DOCK9: variants seen among roughly 807,000 people sequenced by gnomAD.
The protein encoded by DOCK9 is dedicator of cytokinesis protein 9.
Under a neutral mutation model 263.3 loss-of-function variants are expected in DOCK9, and 89 were observed. That is an observed-to-expected ratio of 0.34 (90% CI 0.28 to 0.40). The LOEUF is 0.40. Among genes scored for constraint, DOCK9 ranks in the 10% least tolerant of loss-of-function variants. The pLI is 1.00. For missense variants in DOCK9, 2,140 were observed against 2,603.4 expected (o/e 0.82, Z 3.87); for synonymous variants, 976 against 973.1 (o/e 1.00, Z -0.06).
intron 1 of DOCK9, chr13:99,086,168 G>A: frequency 1.4e-6 from 2 of 1,430,910 alleles, no homozygotes; most frequent in South Asian, 1.4e-5. Context: ...CCCGGGGCCC[G>A]CAGCTGCCTG....
chr13:98,817,326 C>T (rs147378168), intron 45 of DOCK9, among the ~76,000 whole-genome samples: 5,195 of 152,162 alleles, frequency 0.034, 128 homozygotes, highest in Middle Eastern at 0.088. Flanking sequence ...AGTTACCTGA[C>T]GCCTCCTAGC....
rs979496156 is a variant in DOCK9, at chr13:98,878,957, T to C, written c.2943+941A>G. Among the ~76,000 whole-genome samples, 31 of 152,106 alleles carry C rather than the reference T, an allele frequency of 2.0e-4. 1 individual carries two copies. Among genetic ancestry groups the C allele is most frequent in the Non-Finnish European group, 1.5e-5 (1 of 68,020 alleles). ...AGGATTGCAGCACAAGTGTTCATTG[T>C]GAGACAGGACCCAGCACCACCCGCT... On this transcript the variant is annotated intron_variant, in intron 27 of 52. Transcript: ENST00000682017.
intron 30 of DOCK9, among the ~76,000 whole-genome samples, chr13:98,866,291 T>C (rs558107722): frequency 2.0e-5 from 3 of 152,338 alleles, no homozygotes; most frequent in South Asian, 2.1e-4. Context: ...ACACAACTTA[T>C]TCTGAAGCTC....
chr13:98,832,988 T>C (rs1336545597), intron 39 of DOCK9: 2 of 151,004 alleles, frequency 1.3e-5, no homozygotes, highest in Non-Finnish European at 3.0e-5. Flanking sequence ...TAAGTTTTTG[T>C]TTTTTTTTAG....
At chr13:98,871,576 T>C (rs1389032976) in intron 27 of DOCK9, among the ~76,000 whole-genome samples, 1 of 152,226 alleles carries the variant, frequency 6.6e-6, no homozygotes, top group Non-Finnish European at 1.5e-5. Flanking sequence ...TAGAATGTTT[T>C]TATGGAGATT....
At chr13:99,082,052 T>TA (rs890979320) in intron 1 of DOCK9, among the ~76,000 whole-genome samples, 10 of 150,616 alleles carry the variant, frequency 6.6e-5, no homozygotes, top group African/African-American at 1.7e-4. Flanking sequence ...ACCCCATCTC[T>TA]AAAAAAAAAT....
chr13:98,963,825 A>T (rs2058922133), intron 1 of DOCK9, among the ~76,000 whole-genome samples: 1 of 152,230 alleles, frequency 6.6e-6, no homozygotes, highest in Non-Finnish European at 1.5e-5. Flanking sequence ...GCTTGCAACA[A>T]AAAGGGGCTT....
chr13:99,031,114 TG>T (rs1388539000), intron 1 of DOCK9, among the ~76,000 whole-genome samples: 6 of 113,872 alleles, frequency 5.3e-5, no homozygotes, highest in South Asian at 7.1e-4. Flanking sequence ...CTGTAATTGA[TG>T]TTTTTTTTAA....
chr13:99,078,042 T>C (rs985888156), intron 1 of DOCK9, among the ~76,000 whole-genome samples: 1 of 152,040 alleles, frequency 6.6e-6, no homozygotes, highest in Non-Finnish European at 1.5e-5. Flanking sequence ...GGTGATGAAA[T>C]GACACTCCCC....
At chr13:98,860,597 G>T in intron 32 of DOCK9, 75 bp from the exon 33 acceptor site, 1 of 1,402,042 alleles carries the variant, frequency 7.1e-7, no homozygotes, top group South Asian at 1.4e-5. Flanking sequence ...GAAGTGCCAG[G>T]GCAAGTGCAG....
chr13:98,895,931 T>C (rs2047360609), intron 15 of DOCK9, among the ~76,000 whole-genome samples: 2 of 152,156 alleles, frequency 1.3e-5, no homozygotes, highest in African/African-American at 4.8e-5. Flanking sequence ...AACTGTCAGA[T>C]AGTGACTGGG....
chr13:98,887,472 G>C (rs987374716), intron 18 of DOCK9, among the ~76,000 whole-genome samples: 1 of 150,860 alleles, frequency 6.6e-6, no homozygotes, highest in Non-Finnish European at 1.5e-5. Flanking sequence ...AAAAATTAGC[G>C]GGGTGTGGTG....
intron 2 of DOCK9, among the ~76,000 whole-genome samples, chr13:98,933,682 T>G (rs1271843096): frequency 2.6e-5 from 4 of 152,256 alleles, no homozygotes; most frequent in Non-Finnish European, 5.9e-5. Context: ...CGTGCATGTC[T>G]TGAACTACAC....
chr13:98,994,621 T>C (rs577579630), intron 1 of DOCK9, among the ~76,000 whole-genome samples: 2 of 152,140 alleles, frequency 1.3e-5, no homozygotes, highest in South Asian at 4.1e-4. Flanking sequence ...GTGTTACTCA[T>C]ATATAATCAG....
chr13:99,002,936 T>TAGAAACA (rs1882651705), intron 1 of DOCK9, among the ~76,000 whole-genome samples: 1 of 148,286 alleles, frequency 6.7e-6, no homozygotes, highest in Non-Finnish European at 1.5e-5. Flanking sequence ...CATCAGGGGG[T>TAGAAACA]TGTCATAAGG....
intron 1 of DOCK9, among the ~76,000 whole-genome samples, chr13:99,035,203 T>A (rs1456057990): frequency 1.9e-4 from 29 of 152,198 alleles, no homozygotes; most frequent in Admixed American, 1.8e-3. Context: ...CAACTCTCAA[T>A]CTCTCAAATT....
intron 1 of DOCK9, among the ~76,000 whole-genome samples, chr13:98,967,966 GA>G (rs5806086): frequency 2.0e-5 from 3 of 150,124 alleles, no homozygotes; most frequent in South Asian, 2.1e-4. Flanking sequence ...TTTTCCTACA[GA>G]AAAAAAAAAT....
chr13:98,995,558 G>A (rs549517255), intron 1 of DOCK9, among the ~76,000 whole-genome samples: 11 of 142,678 alleles, frequency 7.7e-5, no homozygotes, highest in African/African-American at 1.3e-4. Context: ...GCGCGATCTC[G>A]GCTCACTGCA....
chr13:98,983,175 C>T (rs1195432164), intron 1 of DOCK9, among the ~76,000 whole-genome samples: 1 of 152,156 alleles, frequency 6.6e-6, no homozygotes, highest in Non-Finnish European at 1.5e-5. Flanking sequence ...TATACATGTA[C>T]TTGTGTATAC....
Sources: allele counts gnomAD v4.1 joint callset (sites outside exome capture counted in the v4.1 genomes callset), GRCh38; gene constraint gnomAD v4.1.1; transcripts MANE v1.5; gene names NCBI Gene and HGNC (gene_info 2026-07-23, HGNC 2026-07-21).